CFAP61: variants seen among roughly 807,000 people sequenced by gnomAD.
The protein encoded by CFAP61 is cilia- and flagella-associated protein 61.
CFAP61 carries 107 observed loss-of-function variants against 135.6 expected under a neutral mutation model. That is an observed-to-expected ratio of 0.79 (90% CI 0.67 to 0.93). The LOEUF (loss-of-function observed/expected upper bound fraction) is 0.93. CFAP61 is among the 40% of genes least tolerant of loss of function. The pLI is 0.00. For synonymous variants in CFAP61, 575 were observed against 578.5 expected, an observed-to-expected ratio of 0.99 and a Z score of 0.09; for missense variants, 1,507 against 1,556.2, an observed-to-expected ratio of 0.97 and a Z score of 0.53.
intron 3 of CFAP61, among the ~76,000 whole-genome samples, chr20:20,071,278 G>A (rs549581159): frequency 2.0e-5 from 3 of 152,248 alleles, no homozygotes; most frequent in South Asian, 2.1e-4. Flanking sequence ...AGTGTCAAAC[G>A]TGTGCTTCCA....
chr20:20,219,473 A>C (rs1009892370), intron 17 of CFAP61, among the ~76,000 whole-genome samples: 1 of 152,206 alleles, frequency 6.6e-6, no homozygotes, highest in African/African-American at 2.4e-5. Context: ...AATATTTTAA[A>C]GTCTATGGCT....
intron 19 of CFAP61, among the ~76,000 whole-genome samples, chr20:20,250,901 G>T (rs555142912): frequency 1.3e-5 from 2 of 152,312 alleles, no homozygotes; most frequent in African/African-American, 2.4e-5. Flanking sequence ...GCCACAGCAC[G>T]CTGAAGCCAT....
At chr20:20,118,251 A>ATCTTTCTTTCTT (rs1555872813) in intron 8 of CFAP61, among the ~76,000 whole-genome samples, 17 of 113,734 alleles carry the variant, frequency 1.5e-4, no homozygotes, top group South Asian at 1.3e-3. Context: ...ATTTTGAGGT[A>ATCTTTCTTTCTT]TGTTTCTTTC....
chr20:20,229,708 T>C (rs149116623), intron 18 of CFAP61, among the ~76,000 whole-genome samples: 57 of 152,360 alleles, frequency 3.7e-4, no homozygotes, highest in Non-Finnish European at 7.1e-4. Context: ...AATTGATTTT[T>C]TCACTTTCTA....
At position 20,257,038 on chromosome 20, in the gene CFAP61, A is replaced by G. The variant is rs567643199; in HGVS notation, c.2328+5275A>G. Among the ~76,000 whole-genome samples the G allele has an allele frequency of 1.6e-3, 241 of 152,304 alleles. 1 individual carries two copies. Among genetic ancestry groups the G allele is most frequent in the South Asian group, 3.9e-3 (19 of 4,830 alleles). On this transcript the variant is annotated intron_variant, in intron 20 of 26. Transcript: ENST00000245957. ...AGAATGGCAGGAAAAAATTGAACAA[A>G]CTTCAAAAGAAAAATAACAGATTAC... is the stretch of plus-strand genomic sequence containing the variant.
intron 16 of CFAP61, among the ~76,000 whole-genome samples, chr20:20,198,260 C>T (rs2056416997): frequency 6.6e-6 from 1 of 152,202 alleles, no homozygotes; most frequent in African/African-American, 2.4e-5. Flanking sequence ...TTACTTTGCA[C>T]TTGGCCAAAT....
chr20:20,297,274 G>A (rs775946575), intron 24 of CFAP61, among the ~76,000 whole-genome samples: 2 of 152,192 alleles, frequency 1.3e-5, no homozygotes, highest in African/African-American at 2.4e-5. Context: ...GATCCAGGCA[G>A]TTCAAATTGC....
At chr20:20,099,493 C>T (rs943452012) in intron 8 of CFAP61, among the ~76,000 whole-genome samples, 1 of 151,948 alleles carries the variant, frequency 6.6e-6, no homozygotes, top group Admixed American at 6.6e-5. Flanking sequence ...TGCAGACAGG[C>T]AAGTTACCAT....
In CFAP61 at chr20:20,085,351, T is replaced by C. The variant is rs2046722258; in HGVS notation, c.567-5493T>C. On this transcript the variant is annotated intron_variant, in intron 6 of 26. Transcript: ENST00000245957. The stretch of plus-strand genomic sequence containing the variant: ...TATGCCATTTGAGACTATGTGAGGC[T>C]GATGTCATACTTTATCATTAGCACT... The C allele has an allele frequency of 2.3e-6, 3 of 1,290,554 alleles. No homozygotes were observed. The African/African-American group carries it at 4.6e-5, about 20-fold the overall frequency. 79.9% of individuals were successfully genotyped at this position (1,290,554 alleles called of 1,614,324 possible). A position where few individuals can be genotyped will look rare whatever the true frequency, so the allele number is the denominator to read the frequency against.
chr20:20,139,699 G>A lies in CFAP61; in HGVS notation c.860-3158G>A, dbSNP rs143829022. 2.6e-5 allele frequency among the ~76,000 whole-genome samples: 4 copies of A among 152,240 alleles called. No individual in the cohort carries two copies. In the East Asian group the frequency reaches 7.7e-4, roughly 29 times the overall value. ...GCAGTCACCTCTAGGGATGAACGTG[G>A]CAGCTGCTTAGTAATAAACTGCAAC... On this transcript the variant is annotated intron_variant, in intron 8 of 26. Transcript: ENST00000245957.
intron 7 of CFAP61, among the ~76,000 whole-genome samples, chr20:20,096,409 T>C (rs113292105): frequency 0.017 from 2,610 of 152,376 alleles, 60 homozygotes; most frequent in Middle Eastern, 0.065. Context: ...TGGCAAAACA[T>C]GTTTTTCTCA....
At chr20:20,110,635 T>G (rs2048734830) in intron 8 of CFAP61, among the ~76,000 whole-genome samples, 1 of 152,194 alleles carries the variant, frequency 6.6e-6, no homozygotes, top group Non-Finnish European at 1.5e-5. Context: ...TTTCCCAGTT[T>G]GCAGTTTGAA....
At chr20:20,239,696 G>A (rs185703361) in intron 18 of CFAP61, among the ~76,000 whole-genome samples, 47 of 152,280 alleles carry the variant, frequency 3.1e-4, no homozygotes, top group Non-Finnish European at 5.1e-4. Flanking sequence ...GAGGCAGTCC[G>A]ACTTCTGAGA....
chr20:20,081,842 AGGTGACAGT>A (rs2046454114), intron 6 of CFAP61, among the ~76,000 whole-genome samples: 1 of 152,224 alleles, frequency 6.6e-6, no homozygotes, highest in South Asian at 2.1e-4. Flanking sequence ...GATAGCAAAG[AGGTGACAGT>A]GGGTACTTTG....
intron 8 of CFAP61, among the ~76,000 whole-genome samples, chr20:20,121,313 TG>T (rs2049610067): frequency 6.6e-6 from 1 of 151,702 alleles, no homozygotes; most frequent in Non-Finnish European, 1.5e-5. Context: ...TTTGCCACAT[TG>T]TCCAGGCTGG....
chr20:20,121,933 T>TC (rs1405400767), intron 8 of CFAP61, among the ~76,000 whole-genome samples: 2 of 152,124 alleles, frequency 1.3e-5, no homozygotes, highest in South Asian at 4.2e-4. Context: ...ATTCATTGCT[T>TC]CTTTTTTTTT....
chr20:20,199,281 G>T (rs1433783915), intron 16 of CFAP61, among the ~76,000 whole-genome samples: 1 of 152,110 alleles, frequency 6.6e-6, no homozygotes, highest in African/African-American at 2.4e-5. Flanking sequence ...CAAAGGTCTG[G>T]TTGAAGTCAC....
chr20:20,128,766 T>C (rs1405375135), intron 8 of CFAP61, among the ~76,000 whole-genome samples: 1 of 151,706 alleles, frequency 6.6e-6, no homozygotes, highest in Non-Finnish European at 1.5e-5. Context: ...AGTGTATCTA[T>C]GATAGGTTTT....
At chr20:20,086,432 C>T (rs1262668070) in intron 6 of CFAP61, among the ~76,000 whole-genome samples, 1 of 150,086 alleles carries the variant, frequency 6.7e-6, no homozygotes, top group Non-Finnish European at 1.5e-5. Flanking sequence ...TTTTTTTGTC[C>T]TTGAGATAGT....
Sources: gnomAD v4.1 joint callset for allele counts (sites outside exome capture counted in the v4.1 genomes callset) on GRCh38, gnomAD v4.1.1 for gene constraint, MANE v1.5 for transcripts, NCBI Gene and HGNC (gene_info 2026-07-23, HGNC 2026-07-21) for gene names.